The following SLC26A4 variants were observed in gnomAD, a reference collection of about 807,000 sequenced individuals.
The protein encoded by SLC26A4 is solute carrier family 26 member 4, also known as pendrin.
A neutral mutation model predicts 90.4 loss-of-function variants in SLC26A4; 93 were observed. That is an observed-to-expected ratio of 1.03 (90% confidence interval 0.87 to 1.22). SLC26A4 has a LOEUF of 1.22. SLC26A4 is among the 50% of genes most tolerant of loss of function. SLC26A4 has a pLI of 0.00. For missense variants in SLC26A4, 1,127 were observed against 946.2 expected (o/e 1.19, Z -2.51); for synonymous variants, 393 against 354.6 (o/e 1.11, Z -1.22).
At position 107,710,076 on chromosome 7, in the gene SLC26A4, G is replaced by A; in HGVS notation, c.2112G>A (p.Glu704=). 1.2e-6 allele frequency: 2 copies of A among 1,613,222 alleles called. No individual in the cohort carries two copies. The highest frequency in any genetic ancestry group is 2.2e-5 in the South Asian group (2 of 91,058). ...SLQDYVIEKL[E]QCGFFDDNIR... ...AAGATTATGTGATAGAAAAGCTGGAGCAATGCGGGTTCTTTGACGACAACA... is the reference window on the plus strand; with the variant it reads ...AAGATTATGTGATAGAAAAGCTGGAACAATGCGGGTTCTTTGACGACAACA... The change falls in exon 19 of 21, where the codon GAG becomes GAA. Residue 704 remains glutamate, a synonymous_variant. Transcript: ENST00000644269.
At chr7:107,685,134 A>T (rs530142437) in intron 8 of SLC26A4, among the ~76,000 whole-genome samples, 96 of 152,264 alleles carry the variant, frequency 6.3e-4, no homozygotes, top group Non-Finnish European at 1.2e-3. Flanking sequence ...CTACTCCATG[A>T]GGGCAGTGAC....
intron 8 of SLC26A4, among the ~76,000 whole-genome samples, chr7:107,684,458 C>G (rs1011152115): frequency 7.2e-5 from 11 of 152,126 alleles, no homozygotes; most frequent in African/African-American, 2.7e-4. Flanking sequence ...AAGCTTATTC[C>G]CAGAGCTTAT....
intron 6 of SLC26A4, among the ~76,000 whole-genome samples, chr7:107,675,519 A>G (rs1791001367): frequency 1.6e-5 from 2 of 127,496 alleles, no homozygotes; most frequent in African/African-American, 5.9e-5. Flanking sequence ...GCAAAAACAA[A>G]ATCAAAACAA....
rs1282367618 is a variant in SLC26A4 at position 107,698,246 on chromosome 7, T to C, written c.1614+135T>C. 1.8e-5 allele frequency: 13 copies of C among 713,988 alleles called. No homozygotes were observed. In the East Asian group the frequency reaches 2.2e-4, roughly 12 times the overall value. 44.2% of individuals were successfully genotyped at this position (713,988 alleles called of 1,614,324 possible). A position where few individuals can be genotyped will look rare whatever the true frequency, so the allele number is the denominator to read the frequency against. On this transcript the variant is annotated intron_variant, in intron 14 of 20. Coordinates refer to ENST00000644269, the MANE Select transcript of SLC26A4 (RefSeq NM_000441.2). The stretch of plus-strand genomic sequence containing the variant: ...GTCTGTTAGTCCACAGGGAGTGTCA[T>C]GAAAACTTTTGATCCAGTGCACCTT...
intron 13 of SLC26A4, 150 bp downstream of exon 13, chr7:107,696,189 C>T (rs981057431): frequency 1.4e-6 from 1 of 700,440 alleles, no homozygotes; most frequent in East Asian, 2.6e-5. Context: ...CAGTGTTTTA[C>T]AGACATACTT....
rs1458424698 is a variant in SLC26A4 at position 107,715,700 on chromosome 7, T to A, written c.*254T>A. On this transcript the variant is annotated 3_prime_UTR_variant, in exon 21 of 21. Transcript: ENST00000644269. The stretch of plus-strand genomic sequence containing the variant: ...TGTTATAATACGCTGCTGATCTACA[T>A]CACAGATTTGCTAATAATGTTCACG... 3 of 541,498 alleles carry A rather than the reference T, an allele frequency of 5.5e-6. No homozygotes were observed. Among genetic ancestry groups the A allele is most frequent in the Non-Finnish European group, 9.9e-6 (3 of 302,112 alleles). The allele number at this position is 541,498 out of a possible 1,614,324, so 33.5% of individuals were successfully genotyped here.
At chr7:107,681,055 G>A (rs1480839837) in intron 6 of SLC26A4, among the ~76,000 whole-genome samples, 1 of 152,128 alleles carries the variant, frequency 6.6e-6, no homozygotes, top group African/African-American at 2.4e-5. Flanking sequence ...TTGTTATCGT[G>A]TCTGCTGGTG....
chr7:107,663,943 A>C (rs2129309395), intron 3 of SLC26A4, among the ~76,000 whole-genome samples: 1 of 152,320 alleles, frequency 6.6e-6, no homozygotes, highest in East Asian at 1.9e-4. Context: ...TTGGCCTCCC[A>C]AAATGCTGGG....
At chr7:107,699,860 G>A (rs766349546) in intron 14 of SLC26A4, among the ~76,000 whole-genome samples, 2 of 151,846 alleles carry the variant, frequency 1.3e-5, no homozygotes, top group Non-Finnish European at 2.9e-5. Context: ...CCCAGGAGGT[G>A]GAGGTTGCAG....
intron 10 of SLC26A4, chr7:107,692,099 G>C (rs1460574829): frequency 8.5e-6 from 11 of 1,288,138 alleles, no homozygotes; most frequent in Non-Finnish European, 1.1e-5. Flanking sequence ...CATGTAAAGT[G>C]ACCTCCTTGG....
intron 3 of SLC26A4, among the ~76,000 whole-genome samples, chr7:107,671,812 A>G (rs1350005774): frequency 6.6e-6 from 1 of 152,206 alleles, no homozygotes; most frequent in Non-Finnish European, 1.5e-5. Flanking sequence ...CACTTAATAC[A>G]CCTAACCTAT....
chr7:107,690,233 C>T lies in SLC26A4; in HGVS notation c.1259C>T (p.Thr420Ile). 6.4e-7 allele frequency: 1 copy of T among 1,573,106 alleles called. No individual in the cohort carries two copies. The highest frequency in any genetic ancestry group is 8.8e-7 in the Non-Finnish European group (1 of 1,142,690). Residue 420 changes from threonine (T) to isoleucine (I), a missense_variant, in exon 10 of 21, where the codon ACA becomes ATA. Thr to Ile is a moderately conservative substitution (Grantham distance 89). Coordinates refer to ENST00000644269, the MANE Select transcript of SLC26A4 (RefSeq NM_000441.2). ...TAVQESTGGK[T>I]QVAGIISAAI... ...GTCCAGGAGAGCACTGGAGGAAAGA[C>T]ACAGGTAGGAACAACAGCCTTATGA...
At chr7:107,672,468 T>G (rs1168017876) in intron 4 of SLC26A4, among the ~76,000 whole-genome samples, 1 of 151,564 alleles carries the variant, frequency 6.6e-6, no homozygotes, top group African/African-American at 2.4e-5. Context: ...GCTTTTTCTA[T>G]TCACTGATGT....
In SLC26A4 at chr7:107,698,139, G is replaced by A. The variant is rs751344587; in HGVS notation, c.1614+28G>A. ...AAGTACCTTTGTGAGACATTTGCTGGACTTGGGTTTACTAGCCTGAAGTTT... is the reference window on the plus strand; with the variant it reads ...AAGTACCTTTGTGAGACATTTGCTGAACTTGGGTTTACTAGCCTGAAGTTT... On this transcript the variant is annotated intron_variant, in intron 14 of 20. Transcript: ENST00000644269. 5 of 1,479,144 alleles carry A rather than the reference G, an allele frequency of 3.4e-6. No individual in the cohort carries two copies. The East Asian group carries it at 1.1e-4, about 33-fold the overall frequency. The allele number at this position is 1,479,144 out of a possible 1,614,324, so 91.6% of individuals were successfully genotyped here.
chr7:107,686,407 T>TTCTA (rs1485243272), intron 8 of SLC26A4, among the ~76,000 whole-genome samples: 1 of 40,460 alleles, frequency 2.5e-5, no homozygotes, highest in East Asian at 5.7e-4. Flanking sequence ...TCTCTCTTTT[T>TTCTA]TCTTTCTTTC....
At chr7:107,714,932 T>C (rs1036763351) in intron 20 of SLC26A4, among the ~76,000 whole-genome samples, 28 of 151,932 alleles carry the variant, frequency 1.8e-4, no homozygotes, top group African/African-American at 6.0e-4. Context: ...AATTAAAGTG[T>C]GATGAATACA....
chr7:107,675,192 G>T (rs574087179), intron 6 of SLC26A4, 83 bp downstream of exon 6: 3 of 1,387,660 alleles, frequency 2.2e-6, no homozygotes, highest in Non-Finnish European at 2.0e-6. Context: ...TGGGCCAGGC[G>T]TGGTGGCTCA....
At chr7:107,689,866 C>T (rs1791518873) in intron 9 of SLC26A4, among the ~76,000 whole-genome samples, 1 of 152,128 alleles carries the variant, frequency 6.6e-6, no homozygotes, top group Non-Finnish European at 1.5e-5. Flanking sequence ...AGTGAAAAAG[C>T]TTAGCAAATG....
Position 107,661,585 on chromosome 7 carries a change from C to T in SLC26A4, c.-3-54C>T. ...CTTTCTGTTCCTCGCTCTTCCCCTCCGATCGTCCTCGCTTACCGCGTGTCC... is the reference window on the plus strand; with the variant it reads ...CTTTCTGTTCCTCGCTCTTCCCCTCTGATCGTCCTCGCTTACCGCGTGTCC... On this transcript the variant is annotated intron_variant, in intron 1 of 20. Coordinates refer to ENST00000644269, the MANE Select transcript of SLC26A4 (RefSeq NM_000441.2). The surrounding 1 kb of genome is among the most constrained non-coding windows in gnomAD (Gnocchi z 5.1). 6.6e-7 allele frequency: 1 copy of T among 1,522,278 alleles called. No individual in the cohort carries two copies. Among genetic ancestry groups the T allele is most frequent in the Non-Finnish European group, 8.8e-7 (1 of 1,133,418 alleles). 94.3% of individuals were successfully genotyped at this position (1,522,278 alleles called of 1,614,324 possible). A position where few individuals can be genotyped will look rare whatever the true frequency, so the allele number is the denominator to read the frequency against.
Sources: gnomAD v4.1 joint callset for allele counts (sites outside exome capture counted in the v4.1 genomes callset) on GRCh38, gnomAD v4.1.1 for gene constraint, Gnocchi (gnomAD v3.1) non-coding constraint, MANE v1.5 for transcripts, NCBI Gene and HGNC (gene_info 2026-07-23, HGNC 2026-07-21) for gene names.